Variants in GPC6 observed in about 807,000 individuals in gnomAD.
GPC6 encodes glypican-6.
Under a neutral mutation model 55.2 loss-of-function variants are expected in GPC6, and 14 were observed. The ratio of observed to expected loss-of-function variants is 0.25; its 90% CI spans 0.17 to 0.40. GPC6 has a LOEUF of 0.40. Ranked by LOEUF, GPC6 falls within the 10% of genes least tolerant of loss-of-function variation. GPC6 has a pLI of 1.00. For synonymous variants in GPC6, 278 were observed against 259.6 expected (o/e 1.07, Z -0.68); for missense variants, 641 against 708.5 (o/e 0.90, Z 1.08).
At chr13:93,252,427 T>C (rs1876817265) in intron 1 of GPC6, among the ~76,000 whole-genome samples, 1 of 152,158 alleles carries the variant, frequency 6.6e-6, no homozygotes, top group Non-Finnish European at 1.5e-5. Flanking sequence ...CTAATTTGAT[T>C]TGTGCACACT....
chr13:93,597,024 A>G (rs1405001537), intron 2 of GPC6, among the ~76,000 whole-genome samples: 4 of 144,644 alleles, frequency 2.8e-5, no homozygotes, highest in South Asian at 4.2e-4. Context: ...AAAAAAAAAA[A>G]AAAAAAGAAA....
At chr13:93,466,510 C>G (rs564204080) in intron 1 of GPC6, among the ~76,000 whole-genome samples, 1 of 152,038 alleles carries the variant, frequency 6.6e-6, no homozygotes, top group African/African-American at 2.4e-5. Flanking sequence ...TTGAATGAGT[C>G]GAGGAATTGT....
At chr13:94,043,441 T>C (rs920249833) in intron 4 of GPC6, among the ~76,000 whole-genome samples, 1 of 151,892 alleles carries the variant, frequency 6.6e-6, no homozygotes, top group Non-Finnish European at 1.5e-5. Context: ...CACATACCTA[T>C]CATTCACCTG....
At chr13:93,252,691 A>T (rs1434103062) in intron 1 of GPC6, among the ~76,000 whole-genome samples, 2 of 152,196 alleles carry the variant, frequency 1.3e-5, no homozygotes, top group Non-Finnish European at 2.9e-5. Flanking sequence ...TGCCTCTAAG[A>T]TGTCAGAGGT....
chr13:94,172,133 G>A (rs1888589839), intron 4 of GPC6, among the ~76,000 whole-genome samples: 1 of 151,956 alleles, frequency 6.6e-6, no homozygotes, highest in Admixed American at 6.6e-5. Context: ...ATTAAAGAAG[G>A]TTTTCTTAGA....
At chr13:93,909,883 T>A (rs74109119) in intron 3 of GPC6, among the ~76,000 whole-genome samples, 3 of 152,102 alleles carry the variant, frequency 2.0e-5, no homozygotes, top group Non-Finnish European at 4.4e-5. Flanking sequence ...CCTTCCTGCC[T>A]CCCTCCTCTG....
intron 1 of GPC6, among the ~76,000 whole-genome samples, chr13:93,396,436 G>A (rs961904472): frequency 4.1e-4 from 62 of 152,104 alleles, no homozygotes; most frequent in African/African-American, 1.3e-3. Context: ...GGTGGCGGGC[G>A]CCAGTAATCC....
At chr13:94,141,069 G>T (rs1887358955) in intron 4 of GPC6, among the ~76,000 whole-genome samples, 2 of 152,164 alleles carry the variant, frequency 1.3e-5, no homozygotes, top group African/African-American at 4.8e-5. Flanking sequence ...ACCATGGCCT[G>T]TGGAAACACA....
intron 1 of GPC6, among the ~76,000 whole-genome samples, chr13:93,267,571 AG>A (rs1403168203): frequency 6.6e-6 from 1 of 152,106 alleles, no homozygotes; most frequent in Non-Finnish European, 1.5e-5. Flanking sequence ...ATCTTATATA[AG>A]TGAAGGCCCT....
intron 2 of GPC6, among the ~76,000 whole-genome samples, chr13:93,717,621 TATTTA>T (rs1324337161): frequency 6.6e-6 from 1 of 151,792 alleles, no homozygotes; most frequent in Non-Finnish European, 1.5e-5. Context: ...TAGTTATTAT[TATTTA>T]ATTATACTTT....
intron 1 of GPC6, among the ~76,000 whole-genome samples, chr13:93,382,913 T>G (rs1477466254): frequency 3.9e-5 from 6 of 152,176 alleles, no homozygotes; most frequent in Admixed American, 1.3e-4. Context: ...ACACACATAG[T>G]CCTTCACTCT....
At chr13:94,260,354 C>G (rs940008526) in intron 4 of GPC6, among the ~76,000 whole-genome samples, 1 of 152,154 alleles carries the variant, frequency 6.6e-6, no homozygotes, top group African/African-American at 2.4e-5. Flanking sequence ...GTACCACAGA[C>G]TGGAGTGGCT....
intron 1 of GPC6, among the ~76,000 whole-genome samples, chr13:93,340,642 T>C (rs1352539843): frequency 3.9e-5 from 6 of 152,078 alleles, no homozygotes; most frequent in African/African-American, 7.2e-5. Context: ...GAGAGCTTGG[T>C]ATGCTCAAGG....
chr13:94,229,888 G>A (rs1342889213), intron 4 of GPC6, among the ~76,000 whole-genome samples: 2 of 152,204 alleles, frequency 1.3e-5, no homozygotes, highest in Non-Finnish European at 2.9e-5. Context: ...GATGGGATCT[G>A]TTTCAGGATA....
chr13:94,307,021 T>C (rs528934866), intron 6 of GPC6, among the ~76,000 whole-genome samples: 1 of 152,232 alleles, frequency 6.6e-6, no homozygotes, highest in Non-Finnish European at 1.5e-5. Context: ...AAAATACTTT[T>C]ATTAGTCACT....
chr13:94,023,138 AT>A (rs746090260), intron 3 of GPC6, among the ~76,000 whole-genome samples: 1 of 151,996 alleles, frequency 6.6e-6, no homozygotes, highest in Non-Finnish European at 1.5e-5. Flanking sequence ...AAAAGAATAC[AT>A]TTTTTTCAGT....
intron 1 of GPC6, among the ~76,000 whole-genome samples, chr13:93,234,497 A>G (rs527944358): frequency 1.3e-5 from 2 of 152,308 alleles, no homozygotes; most frequent in Admixed American, 1.3e-4. Flanking sequence ...CTATAGAGAA[A>G]GGATTGAGGG....
chr13:93,565,954 A>G (rs1876087716), intron 2 of GPC6, among the ~76,000 whole-genome samples: 2 of 152,058 alleles, frequency 1.3e-5, no homozygotes, highest in African/African-American at 4.8e-5. Flanking sequence ...AAAGAAAAAA[A>G]AAACACATCT....
chr13:93,595,367 T>G (rs908739974), intron 2 of GPC6, among the ~76,000 whole-genome samples: 2 of 152,288 alleles, frequency 1.3e-5, no homozygotes, highest in Non-Finnish European at 2.9e-5. Context: ...AAGATGCAAG[T>G]TTTATCGCTT....
Sources: gnomAD v4.1 joint callset for allele counts (sites outside exome capture counted in the v4.1 genomes callset) on GRCh38, gnomAD v4.1.1 for gene constraint, MANE v1.5 for transcripts, NCBI Gene and HGNC (gene_info 2026-07-23, HGNC 2026-07-21) for gene names.